Variants in GUCY1B1 observed in about 807,000 individuals in gnomAD.
GUCY1B1 encodes the protein guanylate cyclase soluble subunit beta-1.
In GUCY1B1, 43 loss-of-function variants were observed where a neutral mutation model predicts 71.0. The ratio of observed to expected loss-of-function variants is 0.61; its 90% CI spans 0.47 to 0.78. The LOEUF is 0.78. Among genes scored for constraint, GUCY1B1 ranks in the 30% least tolerant of loss-of-function variants. The probability of loss-of-function intolerance (pLI) is 0.00; values close to 1 mark genes in which losing one functional copy is unlikely to be tolerated. For synonymous variants in GUCY1B1, 266 were observed against 259.7 expected (o/e 1.02, Z -0.23); for missense variants, 535 against 754.1 (o/e 0.71, Z 3.40).
At chr4:155,801,863 G>A (rs1739978435) in intron 9 of GUCY1B1, among the ~76,000 whole-genome samples, 1 of 152,158 alleles carries the variant, frequency 6.6e-6, no homozygotes, top group Non-Finnish European at 1.5e-5. Flanking sequence ...AGACTGGAGA[G>A]AAATTCTGCT....
chr4:155,777,433 C>G (rs1437423396), intron 3 of GUCY1B1, 91 bp from the exon 4 acceptor site: 5 of 738,638 alleles, frequency 6.8e-6, no homozygotes, highest in African/African-American at 3.5e-5. Flanking sequence ...AGACATTTTA[C>G]ATTACTTAAT....
chr4:155,787,880 C>G (rs766319817), intron 4 of GUCY1B1, among the ~76,000 whole-genome samples: 7 of 152,176 alleles, frequency 4.6e-5, no homozygotes, highest in Admixed American at 1.3e-4. Flanking sequence ...CTCTTTGAGA[C>G]ATTTGGAATG....
At chr4:155,803,594 C>T in intron 10 of GUCY1B1, 30 bp from the exon 11 acceptor site, 9 of 1,403,388 alleles carry the variant, frequency 6.4e-6, no homozygotes, top group Non-Finnish European at 8.5e-6. Flanking sequence ...TTTATGCTAA[C>T]CGTGAACATC....
At chr4:155,783,359 G>A (rs186462322) in intron 4 of GUCY1B1, among the ~76,000 whole-genome samples, 33 of 152,286 alleles carry the variant, frequency 2.2e-4, no homozygotes, top group Non-Finnish European at 3.7e-4. Flanking sequence ...AATGAGCAGC[G>A]AAGGCTGCCA....
At chr4:155,777,161 G>T (rs770522040) in intron 3 of GUCY1B1, among the ~76,000 whole-genome samples, 3 of 152,120 alleles carry the variant, frequency 2.0e-5, no homozygotes, top group Non-Finnish European at 4.4e-5. Context: ...TCCATTACAC[G>T]AGTTCAGGTG....
At chr4:155,795,307 A>T (rs1215856898) in intron 6 of GUCY1B1, 34 bp from the exon 7 acceptor site, 6 of 1,026,120 alleles carry the variant, frequency 5.8e-6, no homozygotes, top group Non-Finnish European at 9.2e-6. Context: ...ATTTTAACTG[A>T]TGTGATACTC....
chr4:155,763,890 G>T (rs1225482330), intron 2 of GUCY1B1, among the ~76,000 whole-genome samples: 3 of 151,910 alleles, frequency 2.0e-5, no homozygotes, highest in Admixed American at 2.0e-4. Context: ...AATAAATGAT[G>T]ATTTTTTTTT....
chr4:155,804,977 T>C (rs1561037598), intron 12 of GUCY1B1, 126 bp from the exon 13 acceptor site: 2 of 851,782 alleles, frequency 2.3e-6, no homozygotes, highest in Non-Finnish European at 3.7e-6. Flanking sequence ...TCTAAAGCTT[T>C]GAGTTACCTT....
At chr4:155,790,732 C>T (rs544495402) in intron 5 of GUCY1B1, among the ~76,000 whole-genome samples, 80 of 152,276 alleles carry the variant, frequency 5.3e-4, no homozygotes, top group Admixed American at 6.5e-4. Context: ...TTGTAACACA[C>T]TTGGGAGGTC....
At chr4:155,803,529 C>A in intron 10 of GUCY1B1, 95 bp from the exon 11 acceptor site, 2 of 812,938 alleles carry the variant, frequency 2.5e-6, no homozygotes, top group Non-Finnish European at 3.5e-6. Context: ...CTTAAAGTTG[C>A]TGGTAGACTT....
chr4:155,785,431 G>T (rs1738697988), intron 4 of GUCY1B1: 1 of 589,748 alleles, frequency 1.7e-6, no homozygotes, highest in Non-Finnish European at 3.0e-6. Context: ...AAGTGCTTCT[G>T]TGGGTATATT....
intron 4 of GUCY1B1, 66 bp downstream of exon 4, chr4:155,777,708 A>T: frequency 1.2e-6 from 1 of 813,270 alleles, no homozygotes. Context: ...AGACTCTAGA[A>T]TACTTTTGTT....
chr4:155,768,781 G>A (rs1190752704), intron 2 of GUCY1B1, among the ~76,000 whole-genome samples: 2 of 152,118 alleles, frequency 1.3e-5, no homozygotes, highest in African/African-American at 4.8e-5. Context: ...TCACTTATAC[G>A]TATTCAACTT....
intron 13 of GUCY1B1, 22 bp from the exon 14 acceptor site, chr4:155,806,364 T>G: frequency 1.3e-6 from 2 of 1,558,146 alleles, no homozygotes; most frequent in Non-Finnish European, 1.8e-6. Flanking sequence ...AATCAATCCC[T>G]CTTTTCTTCT....
chr4:155,768,778 T>C (rs887252235), intron 2 of GUCY1B1, among the ~76,000 whole-genome samples: 1 of 152,188 alleles, frequency 6.6e-6, no homozygotes, highest in Non-Finnish European at 1.5e-5. Context: ...ATTTCACTTA[T>C]ACGTATTCAA....
At position 155,806,623 on chromosome 4, in the gene GUCY1B1, AG is replaced by A; in HGVS notation, c.*215del. 2.2e-6 allele frequency: 1 copy of A among 447,018 alleles called. No individual in the cohort carries two copies. Among genetic ancestry groups the A allele is most frequent in the East Asian group, 3.3e-5 (1 of 30,274 alleles). The allele number at this position is 447,018 out of a possible 1,614,324, so 27.7% of individuals were successfully genotyped here. A position where few individuals can be genotyped will look rare whatever the true frequency, so the allele number is the denominator to read the frequency against. ...TTTTAGGCTTTAGTATATTATCTAA[AG>A]TTTGGCTTTTGATGTGGATGATGTG... On this transcript the variant is annotated 3_prime_UTR_variant, in exon 14 of 14. Coordinates refer to ENST00000264424, the MANE Select transcript of GUCY1B1 (RefSeq NM_000857.5).
intron 2 of GUCY1B1, among the ~76,000 whole-genome samples, chr4:155,763,613 A>G (rs189274038): frequency 6.6e-6 from 1 of 152,270 alleles, no homozygotes; most frequent in Admixed American, 6.5e-5. Context: ...TCCTGCCTAT[A>G]ACTCAAATAC....
intron 8 of GUCY1B1, among the ~76,000 whole-genome samples, chr4:155,797,052 C>T (rs535018475): frequency 6.6e-6 from 1 of 151,934 alleles, no homozygotes; most frequent in African/African-American, 2.4e-5. Context: ...TTTTAATAAA[C>T]GTCAGAGAAA....
chr4:155,773,619 A>G (rs1284032867), intron 2 of GUCY1B1, among the ~76,000 whole-genome samples: 1 of 152,160 alleles, frequency 6.6e-6, no homozygotes, highest in Non-Finnish European at 1.5e-5. Context: ...GTCTTTCCCA[A>G]TTCAGCTACT....
Sources: allele counts gnomAD v4.1 joint callset (sites outside exome capture counted in the v4.1 genomes callset), GRCh38; gene constraint gnomAD v4.1.1; transcripts MANE v1.5; gene names NCBI Gene and HGNC (gene_info 2026-07-23, HGNC 2026-07-21).